The following LOC400499 variants were observed in gnomAD, a reference collection of about 807,000 sequenced individuals.
chr16:11,417,130 G>C, the LOC400499 span, among the ~76,000 whole-genome samples: 2 of 151,418 alleles, frequency 1.3e-5, no homozygotes, highest in African/African-American at 4.9e-5. Context: ...CTCACCCTCT[G>C]TCCTGTGAAT....
chr16:11,403,128 T>C, the LOC400499 span, among the ~76,000 whole-genome samples: 1 of 152,138 alleles, frequency 6.6e-6, no homozygotes, highest in African/African-American at 2.4e-5. Flanking sequence ...AGCCCTGCTT[T>C]CCCAGACCCC....
the LOC400499 span, among the ~76,000 whole-genome samples, chr16:11,411,681 C>A: frequency 6.6e-5 from 10 of 152,112 alleles, no homozygotes; most frequent in African/African-American, 2.4e-4. Flanking sequence ...GGCTTCAAGT[C>A]TTCCATGAGT....
chr16:11,430,307 G>T, the LOC400499 span, among the ~76,000 whole-genome samples: 4 of 152,100 alleles, frequency 2.6e-5, no homozygotes, highest in Non-Finnish European at 5.9e-5. Context: ...TCAACCTGGT[G>T]AAACCCCGTC....
At chr16:11,463,372 G>A in the LOC400499 span, among the ~76,000 whole-genome samples, 19 of 149,726 alleles carry the variant, frequency 1.3e-4, no homozygotes, top group Admixed American at 1.1e-3. Flanking sequence ...CCCCACAGAT[G>A]TGTGTGCGGA....
At chr16:11,512,892 T>C in the LOC400499 span, among the ~76,000 whole-genome samples, 3 of 152,080 alleles carry the variant, frequency 2.0e-5, no homozygotes, top group Non-Finnish European at 4.4e-5. Context: ...AGGCATCCCA[T>C]GGTGCAGAGC....
the LOC400499 span, among the ~76,000 whole-genome samples, chr16:11,375,310 G>C: frequency 6.7e-5 from 8 of 119,332 alleles, no homozygotes; most frequent in Non-Finnish European, 1.4e-4. Flanking sequence ...GCACCTCCAT[G>C]TACTTTTTTT....
At chr16:11,488,804 G>T in the LOC400499 span, 1 of 398,982 alleles carries the variant, frequency 2.5e-6, no homozygotes, top group African/African-American at 2.1e-5. Context: ...GTCCCGGAGG[G>T]CCCGTTTCAG....
At chr16:11,392,253 G>T in the LOC400499 span, 2 of 398,914 alleles carry the variant, frequency 5.0e-6, no homozygotes, top group Middle Eastern at 6.3e-4. Flanking sequence ...CTCCTGGCAC[G>T]GGGGCCTCTG....
the LOC400499 span, chr16:11,487,530 T>A: frequency 5.2e-6 from 2 of 383,714 alleles, no homozygotes; most frequent in Non-Finnish European, 9.1e-6. Context: ...AAACAGCCTT[T>A]AAGCCTTTTC....
chr16:11,502,048 T>C, the LOC400499 span: 2 of 398,990 alleles, frequency 5.0e-6, no homozygotes, highest in Non-Finnish European at 8.8e-6. Flanking sequence ...CAGCTCCTAG[T>C]CCATCCCCCA....
the LOC400499 span, chr16:11,398,279 C>A: frequency 6.7e-6 from 8 of 1,200,528 alleles, no homozygotes; most frequent in Non-Finnish European, 8.3e-6. Context: ...GCGGGCACCA[C>A]CCTCACTGCT....
chr16:11,481,866 C>A, the LOC400499 span, among the ~76,000 whole-genome samples: 1 of 152,088 alleles, frequency 6.6e-6, no homozygotes, highest in Non-Finnish European at 1.5e-5. Context: ...AACTCTTGAG[C>A]TCAAGTTATC....
chr16:11,491,649 TC>T, the LOC400499 span: 2 of 210,378 alleles, frequency 9.5e-6, no homozygotes, highest in Non-Finnish European at 1.9e-5. Context: ...GGAGGTGCCC[TC>T]CCAGCCCCAC....
chr16:11,468,048 G>C, the LOC400499 span, among the ~76,000 whole-genome samples: 2 of 152,044 alleles, frequency 1.3e-5, no homozygotes, highest in East Asian at 3.9e-4. Flanking sequence ...ATCCAGGAGC[G>C]AGACCTAGGT....
chr16:11,511,410 CAT>C, the LOC400499 span, among the ~76,000 whole-genome samples: 1 of 152,142 alleles, frequency 6.6e-6, no homozygotes, highest in African/African-American at 2.4e-5. Context: ...AGTCACACAA[CAT>C]AGAGTCAGAA....
chr16:11,388,946 G>T, the LOC400499 span, among the ~76,000 whole-genome samples: 1 of 152,178 alleles, frequency 6.6e-6, no homozygotes, highest in Non-Finnish European at 1.5e-5. Context: ...AATTCGCTGG[G>T]CTTGGTGGCA....
the LOC400499 span, chr16:11,470,713 C>T: frequency 1.3e-5 from 2 of 152,402 alleles, no homozygotes; most frequent in South Asian, 4.1e-4. Flanking sequence ...GAACACCAGA[C>T]ACGAGAACGG....
the LOC400499 span, chr16:11,412,825 TG>T: frequency 2.0e-4 from 81 of 399,160 alleles, no homozygotes; most frequent in African/African-American, 1.5e-3. Context: ...CCTCTCCTCC[TG>T]GGGGCCCCCC....
the LOC400499 span, chr16:11,493,682 C>T: frequency 5.0e-6 from 2 of 397,390 alleles, no homozygotes; most frequent in East Asian, 7.2e-5. Context: ...GCCTGGATGG[C>T]CCCCAGCCGG....
Sources: allele counts gnomAD v4.1 joint callset (sites outside exome capture counted in the v4.1 genomes callset), GRCh38; gene constraint gnomAD v4.1.1; transcripts MANE v1.5.